The following CCN4 variants were observed in gnomAD, a reference collection of about 807,000 sequenced individuals.
The protein encoded by CCN4 is CCN family member 4.
In CCN4, 30 loss-of-function variants were observed where a neutral mutation model predicts 36.7. The ratio of observed to expected loss-of-function variants is 0.82; its 90% CI spans 0.61 to 1.11. The LOEUF (loss-of-function observed/expected upper bound fraction) is 1.11. Among genes scored for constraint, CCN4 ranks in the 50% least tolerant of loss-of-function variants. CCN4 has a pLI of 0.00. For missense variants in CCN4, 505 were observed against 504.9 expected (o/e 1.00, Z 0.00); for synonymous variants, 191 against 195.4 (o/e 0.98, Z 0.19).
In CCN4 at chr8:133,231,171, T is replaced by C. The variant is rs891194868; in HGVS notation, c.*3461T>C. The C allele has an allele frequency of 6.6e-6, 1 of 152,210 alleles. No individual in the cohort carries two copies. The highest frequency in any genetic ancestry group is 1.5e-5 in the Non-Finnish European group (1 of 68,044). The allele number at this position is 152,210 out of a possible 1,614,324, so 9.4% of individuals were successfully genotyped here. A position where few individuals can be genotyped will look rare whatever the true frequency, so the allele number is the denominator to read the frequency against. ...TCGCTAGCCTTGTACTGTGTGTGCA[T>C]AGCAATTACAGGGAAGTAATCTAGC... On this transcript the variant is annotated 3_prime_UTR_variant, in exon 5 of 5. Transcript: ENST00000250160.
At chr8:133,218,762 G>A (rs947928340) in intron 2 of CCN4, among the ~76,000 whole-genome samples, 2 of 152,066 alleles carry the variant, frequency 1.3e-5, no homozygotes, top group Non-Finnish European at 2.9e-5. Context: ...GGTATCAAGG[G>A]TGATATCTGG....
At chr8:133,224,073 A>T (rs966644565) in intron 3 of CCN4, among the ~76,000 whole-genome samples, 4 of 152,014 alleles carry the variant, frequency 2.6e-5, no homozygotes, top group Admixed American at 2.6e-4. Flanking sequence ...CATCTTTTCT[A>T]TCATGGCACT....
At chr8:133,217,037 C>T (rs1012902304) in intron 2 of CCN4, among the ~76,000 whole-genome samples, 1 of 152,166 alleles carries the variant, frequency 6.6e-6, no homozygotes, top group Non-Finnish European at 1.5e-5. Flanking sequence ...CAGCTGGAAT[C>T]CCAGCATCAT....
At position 133,220,885 on chromosome 8, in the gene CCN4, G is replaced by T. The variant is rs531712390; in HGVS notation, c.610+44G>T. 70 of 1,564,488 alleles carry T rather than the reference G, an allele frequency of 4.5e-5. No individual in the cohort carries two copies. In the South Asian group the frequency reaches 5.2e-4, roughly 12 times the overall value. On this transcript the variant is annotated intron_variant, in intron 3 of 4. Transcript: ENST00000250160. ...GGGCTGGGGGTGGGACCCTACAAATGGGTTGTGGACCCTCCTGGAACTCTG... is the reference window on the plus strand; with the variant it reads ...GGGCTGGGGGTGGGACCCTACAAATTGGTTGTGGACCCTCCTGGAACTCTG...
At chr8:133,205,257 C>T (rs1853728456) in intron 1 of CCN4, among the ~76,000 whole-genome samples, 1 of 152,226 alleles carries the variant, frequency 6.6e-6, no homozygotes, top group African/African-American at 2.4e-5. Context: ...GTGTTATCTG[C>T]AGAGTCTATT....
intron 1 of CCN4, among the ~76,000 whole-genome samples, chr8:133,196,849 C>T (rs1251069907): frequency 1.3e-5 from 2 of 152,154 alleles, no homozygotes; most frequent in African/African-American, 4.8e-5. Context: ...GCACCAGCTG[C>T]AGGCAAGGCC....
rs751703959 is a variant in CCN4, at chr8:133,191,086, G to A, written c.-59G>A. 4.0e-5 allele frequency: 64 copies of A among 1,587,968 alleles called. No homozygotes were observed. Among genetic ancestry groups the A allele is most frequent in the Admixed American group, 5.0e-5 (3 of 59,756 alleles). ...CGGCCAGTCTGGGCCCAGCTCCCCCGAGAGGTGGTCGGATCCTCTGGGCTG... is the reference window on the plus strand; with the variant it reads ...CGGCCAGTCTGGGCCCAGCTCCCCCAAGAGGTGGTCGGATCCTCTGGGCTG... On this transcript the variant is annotated 5_prime_UTR_variant, in exon 1 of 5. Transcript: ENST00000250160.
rs112197968 is a variant in CCN4, at chr8:133,224,536, C to A, written c.611-854C>A. Reference sequence around the variant, plus strand: ...TGTGCCCTCTTACCCACTATGCCCTCGGCATCACTGCGACAAAATGTTAGG... The same window carrying A: ...TGTGCCCTCTTACCCACTATGCCCTAGGCATCACTGCGACAAAATGTTAGG... On this transcript the variant is annotated intron_variant, in intron 3 of 4. Coordinates refer to ENST00000250160, the MANE Select transcript of CCN4 (RefSeq NM_003882.4). Among the ~76,000 whole-genome samples the A allele has an allele frequency of 6.9e-3, 1,049 of 152,202 alleles. 10 individuals carry two copies. Among genetic ancestry groups the A allele is most frequent in the African/African-American group, 0.024 (998 of 41,530 alleles).
chr8:133,200,740 G>T (rs1004796963), intron 1 of CCN4, among the ~76,000 whole-genome samples: 1 of 152,192 alleles, frequency 6.6e-6, no homozygotes, highest in African/African-American at 2.4e-5. Context: ...TTGATGATCA[G>T]GAAACTGACT....
intron 1 of CCN4, among the ~76,000 whole-genome samples, chr8:133,212,309 G>T (rs572506760): frequency 2.0e-4 from 30 of 152,234 alleles, no homozygotes; most frequent in Middle Eastern, 3.4e-3. Flanking sequence ...GCTGCACCAC[G>T]CCAGCCCTTT....
intron 1 of CCN4, among the ~76,000 whole-genome samples, chr8:133,205,135 G>A (rs182974102): frequency 1.2e-4 from 19 of 152,344 alleles, no homozygotes; most frequent in Admixed American, 2.6e-4. Flanking sequence ...GGGCTCAGAG[G>A]CTGCAGCAGG....
At chr8:133,210,755 C>T (rs953698235) in intron 1 of CCN4, among the ~76,000 whole-genome samples, 22 of 152,204 alleles carry the variant, frequency 1.4e-4, no homozygotes, top group African/African-American at 5.3e-4. Flanking sequence ...TGGAGTTCAC[C>T]GGCATTAACC....
At chr8:133,195,349 G>T (rs1383466236) in intron 1 of CCN4, among the ~76,000 whole-genome samples, 1 of 151,898 alleles carries the variant, frequency 6.6e-6, no homozygotes, top group African/African-American at 2.4e-5. Context: ...TTGTGTTTGG[G>T]TGTGAGATAC....
chr8:133,194,699 G>GTGTGTGGGGT (rs1564248453), intron 1 of CCN4, among the ~76,000 whole-genome samples: 1 of 58,464 alleles, frequency 1.7e-5, no homozygotes, highest in African/African-American at 9.3e-5. Context: ...GTGTGTGGAG[G>GTGTGTGGGGT]GTGTGTGTGG....
intron 1 of CCN4, among the ~76,000 whole-genome samples, chr8:133,202,677 G>C (rs1346225852): frequency 6.6e-6 from 1 of 152,152 alleles, no homozygotes. Flanking sequence ...TGGGCAGTGC[G>C]GTGGGGGAAG....
chr8:133,194,228 G>T (rs1037658829), intron 1 of CCN4, among the ~76,000 whole-genome samples: 1 of 151,380 alleles, frequency 6.6e-6, no homozygotes, highest in East Asian at 2.0e-4. Flanking sequence ...TGTGTGTGTG[G>T]GGTGGGGTGT....
chr8:133,224,078 G>A (rs2130618758), intron 3 of CCN4, among the ~76,000 whole-genome samples: 1 of 152,188 alleles, frequency 6.6e-6, no homozygotes, highest in East Asian at 1.9e-4. Flanking sequence ...TTTCTATCAT[G>A]GCACTAGAAA....
At chr8:133,223,274 G>A (rs867284460) in intron 3 of CCN4, among the ~76,000 whole-genome samples, 4 of 152,040 alleles carry the variant, frequency 2.6e-5, no homozygotes, top group African/African-American at 9.7e-5. Context: ...TGTTCTGACC[G>A]AGCACAAGCG....
At chr8:133,204,832 A>G (rs556551420) in intron 1 of CCN4, among the ~76,000 whole-genome samples, 2 of 152,218 alleles carry the variant, frequency 1.3e-5, no homozygotes, top group Non-Finnish European at 2.9e-5. Flanking sequence ...CTGGGATTAC[A>G]GGTGTGAACC....
Sources: gnomAD v4.1 joint callset for allele counts (sites outside exome capture counted in the v4.1 genomes callset) on GRCh38, gnomAD v4.1.1 for gene constraint, MANE v1.5 for transcripts, NCBI Gene and HGNC (gene_info 2026-07-23, HGNC 2026-07-21) for gene names.